Variants in POC1A observed in about 807,000 individuals in gnomAD.
POC1A encodes POC1 centriolar protein A, also known as POC1 centriolar protein homolog A.
A neutral mutation model predicts 47.8 loss-of-function variants in POC1A; 34 were observed. The observed-to-expected ratio is 0.71, with a 90% confidence interval of 0.54 to 0.95. POC1A has a LOEUF of 0.95. Among genes scored for constraint, POC1A ranks in the 40% least tolerant of loss-of-function variants. The pLI is 0.00. For synonymous variants in POC1A, 177 were observed against 207.6 expected, an observed-to-expected ratio of 0.85 and a Z score of 1.27; for missense variants, 466 against 528.3, an observed-to-expected ratio of 0.88 and a Z score of 1.16.
At chr3:52,148,215 G>A (rs892031538) in intron 4 of POC1A, among the ~76,000 whole-genome samples, 5 of 152,238 alleles carry the variant, frequency 3.3e-5, no homozygotes, top group Admixed American at 3.3e-4. Context: ...TGAGGTCCTG[G>A]GGACTGCCAC....
At chr3:52,123,265 G>T (rs1703862405) in intron 8 of POC1A, among the ~76,000 whole-genome samples, 1 of 152,218 alleles carries the variant, frequency 6.6e-6, no homozygotes, top group Non-Finnish European at 1.5e-5. Context: ...TCGGTTCCTT[G>T]AACACAGCTG....
At chr3:52,089,841 C>A (rs1375953341) in intron 10 of POC1A, among the ~76,000 whole-genome samples, 1 of 152,064 alleles carries the variant, frequency 6.6e-6, no homozygotes, top group Non-Finnish European at 1.5e-5. Flanking sequence ...CAGAGAGCCC[C>A]TGAGAGTAGT....
chr3:52,139,513 C>T (rs926011907), intron 6 of POC1A, among the ~76,000 whole-genome samples: 5 of 152,200 alleles, frequency 3.3e-5, no homozygotes, highest in Non-Finnish European at 5.9e-5. Context: ...TTCCCTTTCC[C>T]TGACCTTAAA....
chr3:52,132,481 G>A (rs558990062), intron 7 of POC1A, among the ~76,000 whole-genome samples: 19 of 152,082 alleles, frequency 1.2e-4, no homozygotes, highest in Non-Finnish European at 2.2e-4. Context: ...GTTTGCAAAG[G>A]TGACCCATAC....
intron 10 of POC1A, among the ~76,000 whole-genome samples, chr3:52,083,473 T>G (rs1702365273): frequency 6.6e-6 from 1 of 152,092 alleles, no homozygotes; most frequent in African/African-American, 2.4e-5. Context: ...TTTTCCTTTG[T>G]CCCTCCTTTC....
intron 10 of POC1A, among the ~76,000 whole-genome samples, chr3:52,081,337 C>T (rs1702272344): frequency 6.6e-6 from 1 of 152,184 alleles, no homozygotes; most frequent in African/African-American, 2.4e-5. Context: ...CTGACCCTTG[C>T]CCTCGCTCTT....
At chr3:52,089,812 C>T (rs2106951639) in intron 10 of POC1A, among the ~76,000 whole-genome samples, 1 of 152,244 alleles carries the variant, frequency 6.6e-6, no homozygotes, top group African/African-American at 2.4e-5. Flanking sequence ...ACAGCAGGTC[C>T]TCCCAGGAAA....
chr3:52,080,707 T>G (rs1702252709), intron 10 of POC1A, among the ~76,000 whole-genome samples: 1 of 152,280 alleles, frequency 6.6e-6, no homozygotes, highest in Admixed American at 6.5e-5. Flanking sequence ...CACTTCACTG[T>G]CAACGCTTCT....
intron 7 of POC1A, among the ~76,000 whole-genome samples, chr3:52,127,364 G>C (rs900051108): frequency 2.6e-5 from 4 of 151,596 alleles, no homozygotes; most frequent in African/African-American, 7.3e-5. Flanking sequence ...TTGATTCTTA[G>C]AAATTTTTCA....
chr3:52,075,789 C>T lies in POC1A; in HGVS notation c.*98G>A, dbSNP rs1474460461. 1.4e-5 allele frequency: 13 copies of T among 898,926 alleles called. No homozygotes were observed. Among genetic ancestry groups the T allele is most frequent in the Middle Eastern group, 2.2e-4 (1 of 4,606 alleles). The allele number at this position is 898,926 out of a possible 1,614,324, so 55.7% of individuals were successfully genotyped here. On this transcript the variant is annotated 3_prime_UTR_variant, in exon 11 of 11. Coordinates refer to ENST00000296484, the MANE Select transcript of POC1A (RefSeq NM_015426.5). ...AGGGCTCCAGTATGGATGTGATTCC[C>T]ACAGAGTTCAGTCCCCTTTATTTAC...
Position 52,084,671 on chromosome 3 carries a change from C to T in POC1A, c.1126-8686G>A, listed in dbSNP as rs1239308203. Among the ~76,000 whole-genome samples, 3 of 152,250 alleles carry T rather than the reference C, an allele frequency of 2.0e-5. No homozygotes were observed. Among genetic ancestry groups the T allele is most frequent in the Admixed American group, 6.5e-5 (1 of 15,292 alleles). ...TCCCCAGTCCATCCCCCTGCCCCCC[C>T]AGCTCTGGGGCAGCCCCTCTTCCCA... is the stretch of plus-strand genomic sequence containing the variant. On this transcript the variant is annotated intron_variant, in intron 10 of 10. Transcript: ENST00000296484. The surrounding 1 kb of genome is among the most constrained non-coding windows in gnomAD (Gnocchi z 4.3).
At chr3:52,131,076 G>A (rs922923633) in intron 7 of POC1A, among the ~76,000 whole-genome samples, 7 of 152,044 alleles carry the variant, frequency 4.6e-5, no homozygotes, top group African/African-American at 1.4e-4. Flanking sequence ...ACTCTACAGC[G>A]ACATGCACAC....
chr3:52,146,058 C>A, intron 5 of POC1A, 97 bp from the exon 6 acceptor site: 2 of 697,244 alleles, frequency 2.9e-6, no homozygotes, highest in South Asian at 3.4e-5. Context: ...TGTGTCCTGC[C>A]CACGCTGTTC....
At chr3:52,139,772 C>T (rs1698125973) in intron 6 of POC1A, among the ~76,000 whole-genome samples, 2 of 152,136 alleles carry the variant, frequency 1.3e-5, no homozygotes, top group Admixed American at 6.5e-5. Flanking sequence ...AGCTGGGTAT[C>T]CAGAAGCCCC....
At chr3:52,145,811 C>T in intron 6 of POC1A, 35 bp downstream of exon 6, 1 of 1,386,102 alleles carries the variant, frequency 7.2e-7, no homozygotes, top group Non-Finnish European at 1.0e-6. Flanking sequence ...CCCACCAGGG[C>T]TGCCCTTGGG....
chr3:52,122,334 C>G (rs1312543705), intron 9 of POC1A, 45 bp downstream of exon 9: 1 of 1,127,294 alleles, frequency 8.9e-7, no homozygotes, highest in Non-Finnish European at 1.4e-6. Context: ...ATGACCTAGC[C>G]CACCAGAGTC....
intron 10 of POC1A, among the ~76,000 whole-genome samples, chr3:52,077,677 G>A (rs544318913): frequency 3.2e-4 from 48 of 152,354 alleles, no homozygotes; most frequent in Admixed American, 5.9e-4. Context: ...CAGCATTCCT[G>A]GAAGTTTCCA....
chr3:52,122,765 A>C (rs765992699), intron 8 of POC1A, among the ~76,000 whole-genome samples: 11 of 152,186 alleles, frequency 7.2e-5, no homozygotes, highest in Non-Finnish European at 1.3e-4. Flanking sequence ...CACAGGCCCG[A>C]GCTTCATGGG....
chr3:52,078,790 C>A (rs879280754), intron 10 of POC1A, among the ~76,000 whole-genome samples: 1 of 152,188 alleles, frequency 6.6e-6, no homozygotes, highest in Non-Finnish European at 1.5e-5. Flanking sequence ...TGAGCCCCTG[C>A]GCCCGGCTGA....
Sources: allele counts gnomAD v4.1 joint callset (sites outside exome capture counted in the v4.1 genomes callset), GRCh38; gene constraint gnomAD v4.1.1; non-coding constraint Gnocchi (gnomAD v3.1); transcripts MANE v1.5; gene names NCBI Gene and HGNC (gene_info 2026-07-23, HGNC 2026-07-21).